Variants in PCDH15 observed in about 807,000 individuals in gnomAD.
PCDH15 encodes the protein protocadherin-15.
In PCDH15, 129 loss-of-function variants were observed where a neutral mutation model predicts 178.5. The ratio of observed to expected loss-of-function variants is 0.72; its 90% CI spans 0.63 to 0.84. PCDH15 has a LOEUF of 0.84. PCDH15 is among the 40% of genes least tolerant of loss of function. PCDH15 has a pLI of 0.00. For missense variants in PCDH15, 2,230 were observed against 2,099.9 expected, an observed-to-expected ratio of 1.06 and a Z score of -1.21; for synonymous variants, 800 against 732.0, an observed-to-expected ratio of 1.09 and a Z score of -1.50.
At chr10:54,861,668 T>C (rs1208660297) in intron 3 of PCDH15, among the ~76,000 whole-genome samples, 1 of 152,216 alleles carries the variant, frequency 6.6e-6, no homozygotes, top group African/African-American at 2.4e-5. Context: ...ACCATTCCTA[T>C]TGAACATTGC....
chr10:55,155,563 C>CT (rs1303517782), intron 2 of PCDH15, among the ~76,000 whole-genome samples: 1 of 150,104 alleles, frequency 6.7e-6, no homozygotes, highest in Non-Finnish European at 1.5e-5. Context: ...AAAGGAAGTA[C>CT]TTCAGGCTTC....
At chr10:55,543,424 T>TTA (rs958229371) in intron 2 of PCDH15, among the ~76,000 whole-genome samples, 4 of 149,822 alleles carry the variant, frequency 2.7e-5, no homozygotes, top group East Asian at 1.9e-4. Flanking sequence ...CCCTCAACAA[T>TTA]TATATATATA....
chr10:54,271,425 G>C (rs1461431797), intron 8 of PCDH15, among the ~76,000 whole-genome samples: 1 of 152,014 alleles, frequency 6.6e-6, no homozygotes, highest in Non-Finnish European at 1.5e-5. Context: ...GGCGAGGCTG[G>C]TTTCGAACTC....
chr10:54,009,841 G>A (rs146075916), intron 20 of PCDH15, among the ~76,000 whole-genome samples: 7 of 152,178 alleles, frequency 4.6e-5, no homozygotes, highest in South Asian at 2.1e-4. Context: ...AGGCTGACAC[G>A]GAGAACCATG....
intron 2 of PCDH15, among the ~76,000 whole-genome samples, chr10:54,968,301 T>C (rs1215290277): frequency 6.6e-6 from 1 of 152,206 alleles, no homozygotes; most frequent in Non-Finnish European, 1.5e-5. Context: ...TGTCATTGTT[T>C]CCCTGCAGTT....
intron 25 of PCDH15, among the ~76,000 whole-genome samples, chr10:53,925,856 T>C (rs958698353): frequency 6.6e-6 from 1 of 152,234 alleles, no homozygotes; most frequent in Non-Finnish European, 1.5e-5. Context: ...TTTTCTCACT[T>C]AAGCCTCATT....
intron 3 of PCDH15, among the ~76,000 whole-genome samples, chr10:54,500,697 G>A (rs778430989): frequency 2.6e-5 from 4 of 152,018 alleles, no homozygotes; most frequent in Non-Finnish European, 5.9e-5. Flanking sequence ...GGGTATGGTG[G>A]TGCACGCCTG....
chr10:53,988,569 C>T (rs1215250759), intron 21 of PCDH15, among the ~76,000 whole-genome samples: 2 of 152,018 alleles, frequency 1.3e-5, no homozygotes, highest in Admixed American at 6.6e-5. Context: ...AAAGATAAGA[C>T]CAGGAATTAT....
At chr10:54,415,711 A>C (rs1268725429) in intron 3 of PCDH15, among the ~76,000 whole-genome samples, 1 of 152,114 alleles carries the variant, frequency 6.6e-6, no homozygotes, top group Non-Finnish European at 1.5e-5. Flanking sequence ...GATGATATAA[A>C]GGTAAATTTA....
At chr10:54,947,029 T>A (rs1312468072) in intron 2 of PCDH15, among the ~76,000 whole-genome samples, 1 of 151,918 alleles carries the variant, frequency 6.6e-6, no homozygotes, top group Non-Finnish European at 1.5e-5. Flanking sequence ...ACTATTGCCT[T>A]TTCCTTGTGG....
intron 3 of PCDH15, among the ~76,000 whole-genome samples, chr10:54,874,940 G>C (rs1235475082): frequency 6.6e-6 from 1 of 152,098 alleles, no homozygotes; most frequent in African/African-American, 2.4e-5. Context: ...ATATATGCTT[G>C]ATTTTATATT....
intron 2 of PCDH15, among the ~76,000 whole-genome samples, chr10:54,913,385 T>C (rs897662700): frequency 4.6e-5 from 7 of 152,156 alleles, no homozygotes; most frequent in Admixed American, 2.0e-4. Context: ...GCAGCTTCCA[T>C]ATGTGTGCAG....
At chr10:54,275,552 G>A (rs952113939) in intron 8 of PCDH15, among the ~76,000 whole-genome samples, 1 of 151,670 alleles carries the variant, frequency 6.6e-6, no homozygotes, top group African/African-American at 2.4e-5. Context: ...ATTTAAATTA[G>A]TCCATGAACA....
At chr10:54,672,720 CTAAA>C (rs2094698575) in intron 1 of PCDH15, among the ~76,000 whole-genome samples, 1 of 87,266 alleles carries the variant, frequency 1.1e-5, no homozygotes, top group Non-Finnish European at 2.5e-5. Context: ...AATTTAAATA[CTAAA>C]TAATGAGATT....
intron 25 of PCDH15, among the ~76,000 whole-genome samples, chr10:53,927,430 C>T (rs2084661704): frequency 6.6e-6 from 1 of 152,090 alleles, no homozygotes; most frequent in African/African-American, 2.4e-5. Flanking sequence ...ATACAATTCA[C>T]AATTCACTGT....
At chr10:55,367,866 G>A (rs1845406086) in intron 2 of PCDH15, among the ~76,000 whole-genome samples, 2 of 152,008 alleles carry the variant, frequency 1.3e-5, no homozygotes, top group African/African-American at 4.8e-5. Flanking sequence ...CAACACATTG[G>A]AGCAATCTGA....
At chr10:54,540,956 C>T (rs887240064) in intron 2 of PCDH15, among the ~76,000 whole-genome samples, 7 of 152,048 alleles carry the variant, frequency 4.6e-5, no homozygotes, top group African/African-American at 1.7e-4. Flanking sequence ...TAAAATCCAA[C>T]ATCTCTTCAT....
intron 2 of PCDH15, among the ~76,000 whole-genome samples, chr10:55,127,482 G>A (rs1348646817): frequency 4.0e-5 from 6 of 151,858 alleles, no homozygotes; most frequent in Non-Finnish European, 5.9e-5. Context: ...CATAATCTTC[G>A]ACTGACCAAG....
At chr10:55,115,515 A>G (rs1837608388) in intron 2 of PCDH15, among the ~76,000 whole-genome samples, 1 of 152,180 alleles carries the variant, frequency 6.6e-6, no homozygotes, top group South Asian at 2.1e-4. Context: ...ATTCCTTGTC[A>G]TTTTGATCTT....
Sources: gnomAD v4.1 joint callset for allele counts (sites outside exome capture counted in the v4.1 genomes callset) on GRCh38, gnomAD v4.1.1 for gene constraint, MANE v1.5 for transcripts, NCBI Gene and HGNC (gene_info 2026-07-23, HGNC 2026-07-21) for gene names.